The following ATP1A1 variants were observed in gnomAD, a reference collection of about 807,000 sequenced individuals.
ATP1A1 encodes the protein sodium/potassium-transporting ATPase subunit alpha-1.
In ATP1A1, 14 loss-of-function variants were observed where a neutral mutation model predicts 114.8. The ratio of observed to expected loss-of-function variants is 0.12; its 90% CI spans 0.08 to 0.19. ATP1A1 has a LOEUF of 0.19. ATP1A1 is among the 10% of genes least tolerant of loss of function. ATP1A1 has a pLI of 1.00. For missense variants in ATP1A1, 524 were observed against 1,290.7 expected, an observed-to-expected ratio of 0.41 and a Z score of 9.10; for synonymous variants, 471 against 466.3, an observed-to-expected ratio of 1.01 and a Z score of -0.13.
intron 1 of ATP1A1, among the ~76,000 whole-genome samples, chr1:116,375,094 A>C (rs890293770): frequency 1.2e-4 from 18 of 152,194 alleles, no homozygotes; most frequent in African/African-American, 4.1e-4. Flanking sequence ...GTAAACATGC[A>C]CTTTAAAGCT....
In ATP1A1 at chr1:116,401,189, C is replaced by T. The variant is rs769574702; in HGVS notation, c.2778C>T (p.Ile926=). Residue 926 remains isoleucine (I), a synonymous_variant, in exon 20 of 23, where the codon ATC becomes ATT. Coordinates refer to ENST00000295598, the MANE Select transcript of ATP1A1 (RefSeq NM_000701.8). The surrounding 1 kb of genome is among the most constrained non-coding windows in gnomAD (Gnocchi z 4.7). ...FTCHTAFFVS[I]VVVQWADLVI... ...GCCACACAGCCTTCTTCGTCAGTAT[C>T]GTGGTGGTGCAGTGGGCCGACTTGG... The T allele has an allele frequency of 1.9e-5, 30 of 1,614,216 alleles. No homozygotes were observed. The highest frequency in any genetic ancestry group is 1.6e-4 in the Middle Eastern group (1 of 6,062).
intron 1 of ATP1A1, among the ~76,000 whole-genome samples, chr1:116,374,948 A>G (rs1226564332): frequency 2.0e-5 from 3 of 152,134 alleles, no homozygotes; most frequent in Non-Finnish European, 4.4e-5. Context: ...CCTCGCTTTT[A>G]AAAGCATGCA....
chr1:116,384,240 G>A lies in ATP1A1; in HGVS notation c.123+116G>A. 1 of 816,884 alleles carries A rather than the reference G, an allele frequency of 1.2e-6. No homozygotes were observed. Among genetic ancestry groups the A allele is most frequent in the Non-Finnish European group, 1.9e-6 (1 of 516,758 alleles). 50.6% of individuals were successfully genotyped at this position (816,884 alleles called of 1,614,324 possible). On this transcript the variant is annotated intron_variant, in intron 2 of 22. Coordinates refer to ENST00000295598, the MANE Select transcript of ATP1A1 (RefSeq NM_000701.8). The surrounding 1 kb of genome is among the most constrained non-coding windows in gnomAD (Gnocchi z 5.1). The stretch of plus-strand genomic sequence containing the variant: ...CTATATATTAAAAGAGATCATAGCA[G>A]CTGTACAGATCTCATCTAGTCGTAG...
In ATP1A1 at chr1:116,388,268, C is replaced by T; in HGVS notation, c.501+24C>T. 6.5e-7 allele frequency: 1 copy of T among 1,547,156 alleles called. No individual in the cohort carries two copies. The highest frequency in any genetic ancestry group is 8.9e-7 in the Non-Finnish European group (1 of 1,119,502). ...AGGTACCAGACGCTTTGTCCTTCCCCAGTGGATGACTTGACAGCCCCAAGC... is the reference window on the plus strand; with the variant it reads ...AGGTACCAGACGCTTTGTCCTTCCCTAGTGGATGACTTGACAGCCCCAAGC... On this transcript the variant is annotated intron_variant, in intron 5 of 22. Coordinates refer to ENST00000295598, the MANE Select transcript of ATP1A1 (RefSeq NM_000701.8). This position sits in a 1 kb window ranked among gnomAD's most constrained non-coding sequence, Gnocchi z 5.6.
rs1259466683 is a variant in ATP1A1 at position 116,373,437 on chromosome 1, C to T, written c.-75C>T. 14 of 1,445,998 alleles carry T rather than the reference C, an allele frequency of 9.7e-6. No homozygotes were observed. Among genetic ancestry groups the T allele is most frequent in the South Asian group, 2.6e-5 (2 of 78,270 alleles). 89.6% of individuals were successfully genotyped at this position (1,445,998 alleles called of 1,614,324 possible). A position where few individuals can be genotyped will look rare whatever the true frequency, so the allele number is the denominator to read the frequency against. On this transcript the variant is annotated 5_prime_UTR_variant, in exon 1 of 23. Transcript: ENST00000295598. ...GGCTCCCCTGGTCCCGCTCGCTCGG[C>T]CGGGAGCTGCTCTGTGCTTTTCTCT...
In ATP1A1 at chr1:116,398,050, C is replaced by T. The variant is rs762785789; in HGVS notation, c.2124+12C>T. 14 of 1,613,316 alleles carry T rather than the reference C, an allele frequency of 8.7e-6. No individual in the cohort carries two copies. The highest frequency in any genetic ancestry group is 3.3e-5 in the Admixed American group (2 of 59,936). On this transcript the variant is annotated intron_variant, in intron 15 of 22. Coordinates refer to ENST00000295598, the MANE Select transcript of ATP1A1 (RefSeq NM_000701.8). The surrounding 1 kb of genome is among the most constrained non-coding windows in gnomAD (Gnocchi z 6.1). Reference sequence around the variant, plus strand: ...GCTGCCAAAGACAGGTCAGCCAGCACAAGGATCAGGCTGCTTTGGGCACTA... The same window carrying T: ...GCTGCCAAAGACAGGTCAGCCAGCATAAGGATCAGGCTGCTTTGGGCACTA...
chr1:116,399,516 C>T lies in ATP1A1; in HGVS notation c.2545C>T (p.Leu849=). The T allele has an allele frequency of 6.2e-7, 1 of 1,614,156 alleles. No homozygotes were observed. Among genetic ancestry groups the T allele is most frequent in the Non-Finnish European group, 8.5e-7 (1 of 1,180,018 alleles). The change falls in exon 18 of 23, where the codon CTG becomes TTG. Residue 849 remains leucine (L), a synonymous_variant. Transcript: ENST00000295598. The surrounding 1 kb of genome is among the most constrained non-coding windows in gnomAD (Gnocchi z 5.0). ...AACAGACAAACTTGTGAATGAGCGGCTGATCAGCATGGCCTATGGGCAGAT... is the reference window on the plus strand; with the variant it reads ...AACAGACAAACTTGTGAATGAGCGGTTGATCAGCATGGCCTATGGGCAGAT... ...PKTDKLVNER[L]ISMAYGQIGM...
At chr1:116,403,853 C>CATATA (rs546749593) in intron 21 of ATP1A1, 31 bp from the exon 22 acceptor site, 2 of 1,538,450 alleles carry the variant, frequency 1.3e-6, no homozygotes, top group African/African-American at 2.7e-5. Context: ...TGTTCGTGTG[C>CATATA]ATATAAATTG....
Position 116,398,695 on chromosome 1 carries a change from T to C in ATP1A1, c.2199T>C (p.Ala733=), listed in dbSNP as rs778769208. Residue 733 remains alanine (A), a synonymous_variant, in exon 16 of 23, where the codon GCT becomes GCC. Transcript: ENST00000295598. This position sits in a 1 kb window ranked among gnomAD's most constrained non-coding sequence, Gnocchi z 6.1. ...TGAAGAAAGCAGACATTGGGGTTGC[T>C]ATGGGGATTGCTGGCTCAGATGTGT... is the stretch of plus-strand genomic sequence containing the variant. ...PALKKADIGV[A]MGIAGSDVSK... is the part of the protein sequence containing the mutation. 5.4e-5 allele frequency: 87 copies of C among 1,614,052 alleles called. No individual in the cohort carries two copies. Among genetic ancestry groups the C allele is most frequent in the Non-Finnish European group, 6.6e-5 (78 of 1,180,032 alleles).
At chr1:116,396,483 C>A in intron 13 of ATP1A1, 115 bp from the exon 14 acceptor site, 1 of 1,308,462 alleles carries the variant, frequency 7.6e-7, no homozygotes, top group Non-Finnish European at 1.0e-6. Flanking sequence ...GCATTCCTTT[C>A]CTTTTGATAG....
rs1653419681 is a variant in ATP1A1 at position 116,400,938 on chromosome 1, T to C, written c.2650T>C (p.Leu884=). 3 of 1,614,238 alleles carry C rather than the reference T, an allele frequency of 1.9e-6. No individual in the cohort carries two copies. The highest frequency in any genetic ancestry group is 1.3e-5 in the African/African-American group (1 of 75,060). ...AENGFLPIHL[L]GLRVDWDDRW... is the part of the protein sequence containing the mutation. The stretch of plus-strand genomic sequence containing the variant: ...GAACGGCTTCCTCCCAATTCACCTG[T>C]TGGGCCTCCGAGTGGACTGGGATGA... The change falls in exon 19 of 23, where the codon TTG becomes CTG. Residue 884 remains leucine, a synonymous_variant. Coordinates refer to ENST00000295598, the MANE Select transcript of ATP1A1 (RefSeq NM_000701.8).
chr1:116,398,861 T>A lies in ATP1A1; in HGVS notation c.2294-69T>A. On this transcript the variant is annotated intron_variant, in intron 16 of 22. Coordinates refer to ENST00000295598, the MANE Select transcript of ATP1A1 (RefSeq NM_000701.8). The surrounding 1 kb of genome is among the most constrained non-coding windows in gnomAD (Gnocchi z 6.1). The stretch of plus-strand genomic sequence containing the variant: ...CCATTAGCATCCATTTCTGTATACT[T>A]CTTGGATATGTTCAGTTTCCAGTGT... The A allele has an allele frequency of 1.2e-6, 2 of 1,610,180 alleles. No homozygotes were observed. Among genetic ancestry groups the A allele is most frequent in the Non-Finnish European group, 1.7e-6 (2 of 1,177,042 alleles).
intron 9 of ATP1A1, 70 bp downstream of exon 9, chr1:116,390,481 TG>T: frequency 6.8e-7 from 1 of 1,468,870 alleles, no homozygotes; most frequent in Non-Finnish European, 9.2e-7. Context: ...TTTAAGAAAT[TG>T]CATGAAATTT....
chr1:116,384,687 A>T lies in ATP1A1; in HGVS notation c.124-96A>T. On this transcript the variant is annotated intron_variant, in intron 2 of 22. Transcript: ENST00000295598. This position sits in a 1 kb window ranked among gnomAD's most constrained non-coding sequence, Gnocchi z 5.1. ...TGAAGAAAACATCTGCACTTTGTTT[A>T]ATAAGCTTAATGATAGTAATGAATA... 1 of 1,100,588 alleles carries T rather than the reference A, an allele frequency of 9.1e-7. No individual in the cohort carries two copies. The highest frequency in any genetic ancestry group is 2.8e-4 in the Middle Eastern group (1 of 3,540). 68.2% of individuals were successfully genotyped at this position (1,100,588 alleles called of 1,614,324 possible). A position where few individuals can be genotyped will look rare whatever the true frequency, so the allele number is the denominator to read the frequency against.
chr1:116,375,364 T>A (rs921301149), intron 1 of ATP1A1, among the ~76,000 whole-genome samples: 1 of 152,208 alleles, frequency 6.6e-6, no homozygotes, highest in Non-Finnish European at 1.5e-5. Context: ...ACGGGGTATT[T>A]GTGATGTTGA....
chr1:116,386,553 T>A (rs1450036154), intron 3 of ATP1A1, among the ~76,000 whole-genome samples: 1 of 152,232 alleles, frequency 6.6e-6, no homozygotes, highest in Admixed American at 6.5e-5. Context: ...TATTTTATTT[T>A]TTTTTTGACT....
intron 18 of ATP1A1, among the ~76,000 whole-genome samples, chr1:116,400,413 G>A (rs950246706): frequency 1.3e-5 from 2 of 152,126 alleles, no homozygotes; most frequent in African/African-American, 4.8e-5. Context: ...GGGGAGGAGG[G>A]TCCTGAAGGT....
rs1382705438 is a variant in ATP1A1 at position 116,378,440 on chromosome 1, G to A, written c.12+4917G>A. Among the ~76,000 whole-genome samples, 5 of 152,154 alleles carry A rather than the reference G, an allele frequency of 3.3e-5. No individual in the cohort carries two copies. In the South Asian group the frequency reaches 1.0e-3, roughly 32 times the overall value. ...TTGATAAGTTGATTCATGATAGTTCGTGCTTTGTCCTTGGGACTTGTATTG... is the reference window on the plus strand; with the variant it reads ...TTGATAAGTTGATTCATGATAGTTCATGCTTTGTCCTTGGGACTTGTATTG... On this transcript the variant is annotated intron_variant, in intron 1 of 22. Transcript: ENST00000295598.
chr1:116,394,526 G>T (rs1652744732), intron 12 of ATP1A1, among the ~76,000 whole-genome samples: 1 of 151,926 alleles, frequency 6.6e-6, no homozygotes, highest in Admixed American at 6.6e-5. Flanking sequence ...AAAGATCATT[G>T]TAACGTCATA....
Sources: gnomAD v4.1 joint callset for allele counts (sites outside exome capture counted in the v4.1 genomes callset) on GRCh38, gnomAD v4.1.1 for gene constraint, Gnocchi (gnomAD v3.1) non-coding constraint, MANE v1.5 for transcripts, NCBI Gene and HGNC (gene_info 2026-07-23, HGNC 2026-07-21) for gene names.